Variants in LRFN2 observed in about 807,000 individuals in gnomAD.
LRFN2 encodes leucine-rich repeat and fibronectin type-III domain-containing protein 2.
In LRFN2, 18 loss-of-function variants were observed where a neutral mutation model predicts 37.3. The ratio of observed to expected loss-of-function variants is 0.48; its 90% CI spans 0.33 to 0.72. The LOEUF is 0.72. LRFN2 is among the 30% of genes least tolerant of loss of function. The pLI is 0.02. For synonymous variants in LRFN2, 556 were observed against 466.6 expected (o/e 1.19, Z -2.47); for missense variants, 1,006 against 1,060.7 (o/e 0.95, Z 0.72).
chr6:40,547,711 C>T (rs1016418549), intron 1 of LRFN2, among the ~76,000 whole-genome samples: 4 of 152,092 alleles, frequency 2.6e-5, no homozygotes, highest in African/African-American at 9.7e-5. Flanking sequence ...TATCCTCCTA[C>T]CCCCAGCTTC....
chr6:40,537,998 G>T (rs1766482927), intron 1 of LRFN2, among the ~76,000 whole-genome samples: 1 of 152,092 alleles, frequency 6.6e-6, no homozygotes, highest in Non-Finnish European at 1.5e-5. Flanking sequence ...TCCAGCTTCA[G>T]CTTGTTCAGG....
intron 1 of LRFN2, among the ~76,000 whole-genome samples, chr6:40,496,184 C>A (rs1451907566): frequency 1.3e-5 from 2 of 152,136 alleles, no homozygotes; most frequent in African/African-American, 4.8e-5. Flanking sequence ...ATCCCGAATC[C>A]AACCCCTTCT....
intron 1 of LRFN2, among the ~76,000 whole-genome samples, chr6:40,479,881 G>A (rs2113862771): frequency 6.6e-6 from 1 of 152,358 alleles, no homozygotes; most frequent in African/African-American, 2.4e-5. Context: ...CTGTGCTGCT[G>A]TGAAATAAGT....
At chr6:40,424,910 A>C (rs535182726) in intron 2 of LRFN2, among the ~76,000 whole-genome samples, 3 of 152,230 alleles carry the variant, frequency 2.0e-5, no homozygotes, top group Non-Finnish European at 4.4e-5. Flanking sequence ...CGATTTCATT[A>C]GCAAATTTTT....
In LRFN2 at chr6:40,392,536, C is replaced by G. The variant is rs751087735; in HGVS notation, c.1777G>C (p.Gly593Arg). 5.7e-6 allele frequency: 9 copies of G among 1,574,402 alleles called. No homozygotes were observed. Among genetic ancestry groups the G allele is most frequent in the Non-Finnish European group, 7.7e-6 (9 of 1,163,564 alleles). ...QPPPPSSAPAGAPPQGPPKVV... is the reference protein window; with the variant it reads ...QPPPPSSAPARAPPQGPPKVV... ...TTCGGCGGGCCCTGCGGCGGGGCCC[C>G]GGCTGGTGCGCTGCTTGGAGGCGGT... is the stretch of plus-strand genomic sequence containing the variant. Residue 593 changes from glycine to arginine, a missense_variant, in exon 3 of 3, where the codon GGG (glycine) becomes CGG (arginine). By Grantham distance (125) the Gly-to-Arg change is moderately radical. Coordinates refer to ENST00000338305, the MANE Select transcript of LRFN2 (RefSeq NM_020737.3). The surrounding 1 kb of genome is among the most constrained non-coding windows in gnomAD (Gnocchi z 4.7).
intron 1 of LRFN2, among the ~76,000 whole-genome samples, chr6:40,467,699 G>C (rs1764501959): frequency 6.6e-6 from 1 of 152,142 alleles, no homozygotes; most frequent in Non-Finnish European, 1.5e-5. Context: ...CAGAGACCTA[G>C]CCTCGGCCAT....
chr6:40,466,964 A>T (rs1037132535), intron 1 of LRFN2, among the ~76,000 whole-genome samples: 2 of 152,116 alleles, frequency 1.3e-5, no homozygotes, highest in African/African-American at 2.4e-5. Flanking sequence ...AGGAAAAATC[A>T]TGGGAAGACA....
intron 1 of LRFN2, among the ~76,000 whole-genome samples, chr6:40,440,691 C>T (rs1763814355): frequency 6.6e-6 from 1 of 152,126 alleles, no homozygotes; most frequent in Non-Finnish European, 1.5e-5. Context: ...GGATAAATAC[C>T]TCAACATCCT....
intron 1 of LRFN2, among the ~76,000 whole-genome samples, chr6:40,448,651 T>C (rs981175341): frequency 1.3e-5 from 2 of 152,244 alleles, no homozygotes; most frequent in African/African-American, 2.4e-5. Context: ...GAATCGCTAA[T>C]GAATTTTTAG....
rs1223502624 is a variant in LRFN2 at position 40,392,894 on chromosome 6, G to C, written c.1419C>G (p.Asn473Lys). 6.2e-7 allele frequency: 1 copy of C among 1,610,238 alleles called. No homozygotes were observed. The highest frequency in any genetic ancestry group is 8.5e-7 in the Non-Finnish European group (1 of 1,178,142). The stretch of plus-strand genomic sequence containing the variant: ...CCAGGTTGTTGACCACGAAGGCCTT[G>C]TTGGAGGCTGGGATCATCCTGGGGA... ...VLIYRMIPAS[N>K]KAFVVNNLVS... The change falls in exon 3 of 3, where the codon AAC becomes AAG. Residue 473 changes from asparagine to lysine, a missense_variant. Transcript: ENST00000338305. The surrounding 1 kb of genome is among the most constrained non-coding windows in gnomAD (Gnocchi z 4.7).
chr6:40,575,237 C>T (rs1482670090), intron 1 of LRFN2, among the ~76,000 whole-genome samples: 1 of 150,530 alleles, frequency 6.6e-6, no homozygotes, highest in African/African-American at 2.4e-5. Flanking sequence ...GTGCGCAGAA[C>T]CCCCAGCTCT....
intron 1 of LRFN2, among the ~76,000 whole-genome samples, chr6:40,440,418 G>A (rs935253738): frequency 1.3e-5 from 2 of 152,166 alleles, no homozygotes; most frequent in African/African-American, 4.8e-5. Context: ...GCTCTGAGTC[G>A]ATGGTAGCAA....
chr6:40,482,931 C>A (rs552014408), intron 1 of LRFN2, among the ~76,000 whole-genome samples: 1 of 152,308 alleles, frequency 6.6e-6, no homozygotes, highest in East Asian at 1.9e-4. Flanking sequence ...GCTGTGCCCA[C>A]GCCACTGCCA....
intron 1 of LRFN2, among the ~76,000 whole-genome samples, chr6:40,487,320 A>G (rs1764984560): frequency 6.6e-6 from 1 of 152,124 alleles, no homozygotes; most frequent in Non-Finnish European, 1.5e-5. Context: ...CCCCAAGTTC[A>G]TGCCCTCAGC....
intron 1 of LRFN2, among the ~76,000 whole-genome samples, chr6:40,582,983 T>A (rs777119759): frequency 2.0e-5 from 3 of 152,084 alleles, no homozygotes; most frequent in Non-Finnish European, 2.9e-5. Flanking sequence ...TGCGAGTGGA[T>A]CTGTCTCCCT....
intron 2 of LRFN2, among the ~76,000 whole-genome samples, chr6:40,430,898 A>G (rs553449414): frequency 2.3e-3 from 353 of 152,274 alleles, no homozygotes; most frequent in African/African-American, 8.0e-3. Flanking sequence ...AGTAGGCTCT[A>G]GGGCTGCTTA....
At chr6:40,533,501 A>G (rs778927439) in intron 1 of LRFN2, among the ~76,000 whole-genome samples, 5 of 151,864 alleles carry the variant, frequency 3.3e-5, no homozygotes, top group South Asian at 2.1e-4. Context: ...TTTTCTGACC[A>G]TTACTGGCTA....
intron 1 of LRFN2, among the ~76,000 whole-genome samples, chr6:40,490,372 C>T (rs775871504): frequency 4.5e-4 from 69 of 152,220 alleles, no homozygotes; most frequent in Admixed American, 9.8e-4. Flanking sequence ...AGCAGCGAGG[C>T]TGCAGCTGCC....
chr6:40,538,434 T>C lies in LRFN2; in HGVS notation c.-19+48507A>G, dbSNP rs993033306. Among the ~76,000 whole-genome samples, 3 of 152,056 alleles carry C rather than the reference T, an allele frequency of 2.0e-5. No individual in the cohort carries two copies. The South Asian group carries it at 6.3e-4, about 32-fold the overall frequency. ...AGCTCAGGATTCCTGCACCCCAACA[T>C]GAATTATCAGAAACACAATGGGTCC... On this transcript the variant is annotated intron_variant, in intron 1 of 2. Transcript: ENST00000338305.
Sources: gnomAD v4.1 joint callset for allele counts (sites outside exome capture counted in the v4.1 genomes callset) on GRCh38, gnomAD v4.1.1 for gene constraint, Gnocchi (gnomAD v3.1) non-coding constraint, MANE v1.5 for transcripts, NCBI Gene and HGNC (gene_info 2026-07-23, HGNC 2026-07-21) for gene names.